Variants in GRM7 observed in about 807,000 individuals in gnomAD.
GRM7 encodes the protein metabotropic glutamate receptor 7.
GRM7 carries 35 observed loss-of-function variants against 84.5 expected under a neutral mutation model. The observed-to-expected ratio is 0.41, with a 90% CI of 0.32 to 0.55. GRM7 has a LOEUF of 0.55. GRM7 is among the 20% of genes least tolerant of loss of function. GRM7 has a pLI of 0.19. For missense variants in GRM7, 1,003 were observed against 1,194.6 expected, an observed-to-expected ratio of 0.84 and a Z score of 2.36; for synonymous variants, 487 against 455.1, an observed-to-expected ratio of 1.07 and a Z score of -0.89.
intron 1 of GRM7, among the ~76,000 whole-genome samples, chr3:6,888,155 C>T (rs1055712185): frequency 9.2e-5 from 14 of 151,844 alleles, no homozygotes; most frequent in South Asian, 2.1e-4. Flanking sequence ...GAGTAGGTTG[C>T]GAAAATTTTC....
At chr3:6,933,259 G>A (rs541368132) in intron 1 of GRM7, among the ~76,000 whole-genome samples, 5 of 152,114 alleles carry the variant, frequency 3.3e-5, no homozygotes, top group African/African-American at 1.2e-4. Flanking sequence ...CTTTTTGTTG[G>A]CCCCTATGAT....
intron 1 of GRM7, among the ~76,000 whole-genome samples, chr3:6,964,233 T>C (rs1455622238): frequency 1.3e-5 from 2 of 152,280 alleles, no homozygotes; most frequent in Non-Finnish European, 2.9e-5. Context: ...ACAGAAATTT[T>C]CTCACAGTTC....
intron 2 of GRM7, among the ~76,000 whole-genome samples, chr3:7,240,705 C>G (rs1044847010): frequency 3.3e-5 from 5 of 152,104 alleles, no homozygotes; most frequent in African/African-American, 1.2e-4. Context: ...CTTCCCTCCC[C>G]CTCTTCCACA....
intron 3 of GRM7, among the ~76,000 whole-genome samples, chr3:7,302,033 C>T (rs1469552085): frequency 6.6e-6 from 1 of 151,898 alleles, no homozygotes; most frequent in African/African-American, 2.4e-5. Context: ...ATAATTTATT[C>T]TGATTATAAA....
At chr3:7,318,968 G>T (rs75680931) in intron 4 of GRM7, among the ~76,000 whole-genome samples, 4,716 of 152,110 alleles carry the variant, frequency 0.031, 218 homozygotes, top group African/African-American at 0.097. Context: ...ATTTTAGGAG[G>T]TTTTGGCAAG....
chr3:7,250,799 C>T (rs1467571464), intron 2 of GRM7, among the ~76,000 whole-genome samples: 1 of 152,168 alleles, frequency 6.6e-6, no homozygotes, highest in East Asian at 1.9e-4. Context: ...GCTGGGATTG[C>T]AGGTGTAAGC....
intron 1 of GRM7, among the ~76,000 whole-genome samples, chr3:7,058,570 T>A (rs933281278): frequency 6.6e-5 from 10 of 151,928 alleles, no homozygotes; most frequent in African/African-American, 2.4e-4. Flanking sequence ...TATCATTGTG[T>A]TTTATTTATA....
intron 4 of GRM7, among the ~76,000 whole-genome samples, chr3:7,341,840 A>T (rs142670172): frequency 5.9e-5 from 9 of 152,278 alleles, no homozygotes; most frequent in East Asian, 3.9e-4. Flanking sequence ...TTTCATGCTA[A>T]GTTGAAAAAT....
chr3:7,340,357 A>G (rs367826257), intron 4 of GRM7, among the ~76,000 whole-genome samples: 1 of 152,158 alleles, frequency 6.6e-6, no homozygotes, highest in East Asian at 1.9e-4. Context: ...TAGGAAACTT[A>G]CAATCATGGC....
Position 7,645,809 on chromosome 3 carries a change from A to C in GRM7, c.2452-34240A>C, listed in dbSNP as rs187851456. Among the ~76,000 whole-genome samples, 235 of 152,284 alleles carry C rather than the reference A, an allele frequency of 1.5e-3. 2 individuals are homozygous for C. The highest frequency in any genetic ancestry group is 5.5e-3 in the African/African-American group (229 of 41,570). ...TTGCATTTAGCCCCCACAGGTGGTCATCTTCCCCAATCTGACCCCAATTTT... is the reference window on the plus strand; with the variant it reads ...TTGCATTTAGCCCCCACAGGTGGTCCTCTTCCCCAATCTGACCCCAATTTT... On this transcript the variant is annotated intron_variant, in intron 8 of 9. Coordinates refer to ENST00000357716, the MANE Select transcript of GRM7 (RefSeq NM_000844.4).
At chr3:7,633,656 T>G (rs975836588) in intron 8 of GRM7, among the ~76,000 whole-genome samples, 1 of 152,152 alleles carries the variant, frequency 6.6e-6, no homozygotes, top group African/African-American at 2.4e-5. Context: ...CAAGCCAAAA[T>G]GGTTCCATTT....
At chr3:6,923,396 A>T (rs1052309711) in intron 1 of GRM7, among the ~76,000 whole-genome samples, 1 of 152,106 alleles carries the variant, frequency 6.6e-6, no homozygotes, top group Non-Finnish European at 1.5e-5. Context: ...ATAATAGTTG[A>T]TTATCTTTAG....
chr3:7,637,258 G>C (rs1261855203), intron 8 of GRM7, among the ~76,000 whole-genome samples: 4 of 152,132 alleles, frequency 2.6e-5, no homozygotes, highest in Non-Finnish European at 1.5e-5. Context: ...ATCCTCCCTT[G>C]TTGGCCTCAC....
At chr3:7,469,457 G>T (rs958157473) in intron 7 of GRM7, among the ~76,000 whole-genome samples, 6 of 152,186 alleles carry the variant, frequency 3.9e-5, no homozygotes, top group African/African-American at 1.4e-4. Flanking sequence ...GGCTATTTGA[G>T]AGCATGAGGT....
At chr3:7,163,041 T>C (rs915051040) in intron 2 of GRM7, among the ~76,000 whole-genome samples, 24 of 152,074 alleles carry the variant, frequency 1.6e-4, no homozygotes, top group African/African-American at 5.6e-4. Flanking sequence ...ATTACAGGTG[T>C]GAGCCACCAT....
At chr3:7,238,997 C>CTTTTTTT (rs1559520012) in intron 2 of GRM7, among the ~76,000 whole-genome samples, 1 of 137,594 alleles carries the variant, frequency 7.3e-6, no homozygotes, top group African/African-American at 2.7e-5. Context: ...TTCTTTTTTC[C>CTTTTTTT]TTTTTCTTTT....
At chr3:7,705,434 A>T (rs1350865620) in intron 9 of GRM7, among the ~76,000 whole-genome samples, 1 of 152,206 alleles carries the variant, frequency 6.6e-6, no homozygotes, top group African/African-American at 2.4e-5. Context: ...CTATGGATCC[A>T]CCCAAATCCA....
At position 7,515,944 on chromosome 3, in the gene GRM7, A is replaced by T. The variant is rs559460662; in HGVS notation, c.1515+54222A>T. Reference sequence around the variant, plus strand: ...AATCCTTTGAATCCAGTTGTTCAAGACGAGCCTGGGAAACATAGGGAGACC... The same window carrying T: ...AATCCTTTGAATCCAGTTGTTCAAGTCGAGCCTGGGAAACATAGGGAGACC... On this transcript the variant is annotated intron_variant, in intron 7 of 9. Transcript: ENST00000357716. Among the ~76,000 whole-genome samples, 3 of 152,070 alleles carry T rather than the reference A, an allele frequency of 2.0e-5. No homozygotes were observed. The East Asian group carries it at 5.8e-4, about 30-fold the overall frequency.
chr3:6,964,201 T>G (rs1371178067), intron 1 of GRM7, among the ~76,000 whole-genome samples: 1 of 152,192 alleles, frequency 6.6e-6, no homozygotes, highest in Non-Finnish European at 1.5e-5. Flanking sequence ...CAAAGTACTA[T>G]GGACTGGGTG....
Sources: allele counts gnomAD v4.1 joint callset (sites outside exome capture counted in the v4.1 genomes callset), GRCh38; gene constraint gnomAD v4.1.1; transcripts MANE v1.5; gene names NCBI Gene and HGNC (gene_info 2026-07-23, HGNC 2026-07-21).